Variants in SPATA31H1 observed in about 807,000 individuals in gnomAD.
SPATA31H1 encodes SPATA31 subfamily H member 1, also known as spermatogenesis-associated protein 31H1.
chr2:27,556,168 T>G, the SPATA31H1 span, among the ~76,000 whole-genome samples: 3 of 151,392 alleles, frequency 2.0e-5, no homozygotes, highest in South Asian at 6.2e-4. Context: ...TTCATTGTGT[T>G]GGTATTCAGC....
chr2:27,547,596 G>A, the SPATA31H1 span, among the ~76,000 whole-genome samples: 2 of 151,930 alleles, frequency 1.3e-5, 1 homozygote, highest in African/African-American at 4.8e-5. Context: ...AGAATGTATT[G>A]GATTTATAGT....
At chr2:27,549,568 G>A in the SPATA31H1 span, among the ~76,000 whole-genome samples, 3 of 151,658 alleles carry the variant, frequency 2.0e-5, no homozygotes, top group Non-Finnish European at 1.5e-5. Context: ...CAGCACTTTG[G>A]GAGACTTAGT....
At chr2:27,577,934 G>T in the SPATA31H1 span, 11 of 1,614,128 alleles carry the variant, frequency 6.8e-6, no homozygotes, top group Non-Finnish European at 7.6e-6. The surrounding 1 kb of genome is among the most constrained non-coding windows in gnomAD (Gnocchi z 4.5). Context: ...CAAAGTCAAA[G>T]AATCAAAGTA....
chr2:27,548,609 A>AG, the SPATA31H1 span, among the ~76,000 whole-genome samples: 1 of 146,174 alleles, frequency 6.8e-6, no homozygotes, highest in African/African-American at 2.5e-5. Flanking sequence ...CCCTGTTTCA[A>AG]AAAAAAAAAA....
At chr2:27,569,740 A>T in the SPATA31H1 span, 2 of 398,908 alleles carry the variant, frequency 5.0e-6, no homozygotes, top group South Asian at 2.5e-4. Context: ...ATGCCATTGG[A>T]GGATTTGACT....
At chr2:27,579,120 T>C in the SPATA31H1 span, 1 of 1,614,092 alleles carries the variant, frequency 6.2e-7, no homozygotes, top group Non-Finnish European at 8.5e-7. Context: ...GAGATCACGA[T>C]CTAGGACATT....
chr2:27,567,255 C>A, the SPATA31H1 span: 11 of 612,056 alleles, frequency 1.8e-5, no homozygotes, highest in Non-Finnish European at 3.2e-5. Flanking sequence ...TACATTCAAG[C>A]TCTCTCCTTC....
the SPATA31H1 span, among the ~76,000 whole-genome samples, chr2:27,560,221 T>C: frequency 2.8e-3 from 430 of 152,278 alleles, 3 homozygotes; most frequent in African/African-American, 9.5e-3. Flanking sequence ...CTCTGAAAAT[T>C]CCAATACCTG....
the SPATA31H1 span, among the ~76,000 whole-genome samples, chr2:27,547,062 G>A: frequency 1.3e-5 from 2 of 151,742 alleles, no homozygotes; most frequent in African/African-American, 2.4e-5. Flanking sequence ...TCTATTTCGG[G>A]ACTCTCTGTT....
At chr2:27,554,555 T>G in the SPATA31H1 span, among the ~76,000 whole-genome samples, 3 of 146,054 alleles carry the variant, frequency 2.1e-5, no homozygotes, top group African/African-American at 7.6e-5. Flanking sequence ...CTGAGAGATA[T>G]CTCTGGAGTT....
chr2:27,546,420 T>G, the SPATA31H1 span, among the ~76,000 whole-genome samples: 1 of 152,036 alleles, frequency 6.6e-6, no homozygotes, highest in Non-Finnish European at 1.5e-5. Context: ...TATAGATATC[T>G]AATTCTTCCA....
chr2:27,551,883 T>C, the SPATA31H1 span, among the ~76,000 whole-genome samples: 1 of 151,990 alleles, frequency 6.6e-6, no homozygotes, highest in African/African-American at 2.4e-5. Context: ...AGGTGCCATC[T>C]CAGCTCACTG....
chr2:27,571,553 T>C, the SPATA31H1 span: 3 of 398,466 alleles, frequency 7.5e-6, no homozygotes, highest in East Asian at 3.6e-5. Flanking sequence ...TGAAAACTGC[T>C]AAATTAAAAC....
At chr2:27,539,777 G>A in the SPATA31H1 span, among the ~76,000 whole-genome samples, 1 of 55,210 alleles carries the variant, frequency 1.8e-5, no homozygotes, top group African/African-American at 8.3e-5. Flanking sequence ...CGGGGCGGCT[G>A]GCCAGGCAGA....
the SPATA31H1 span, among the ~76,000 whole-genome samples, chr2:27,541,357 T>C: frequency 6.6e-6 from 1 of 151,030 alleles, no homozygotes; most frequent in Admixed American, 6.6e-5. Context: ...ACCGTCCAGC[T>C]TTGGCTCGGC....
chr2:27,559,487 A>G, the SPATA31H1 span, among the ~76,000 whole-genome samples: 1 of 152,118 alleles, frequency 6.6e-6, no homozygotes, highest in Non-Finnish European at 1.5e-5. Flanking sequence ...ATAGGTCTCT[A>G]ATGACTTTAA....
chr2:27,567,012 A>AC, the SPATA31H1 span: 1 of 717,530 alleles, frequency 1.4e-6, no homozygotes, highest in South Asian at 1.5e-5. Context: ...CCAAGGCAGA[A>AC]CCCTGCCTCT....
At chr2:27,577,801 G>A in the SPATA31H1 span, 1 of 1,614,130 alleles carries the variant, frequency 6.2e-7, no homozygotes, top group Non-Finnish European at 8.5e-7. The surrounding 1 kb of genome is among the most constrained non-coding windows in gnomAD (Gnocchi z 4.5). Flanking sequence ...TGTAAGCAAT[G>A]GCTACAAATG....
chr2:27,580,080 C>A, the SPATA31H1 span: 1 of 1,614,142 alleles, frequency 6.2e-7, no homozygotes. Flanking sequence ...TGGCTTTAGG[C>A]TGAGAATTGG....
Sources: gnomAD v4.1 joint callset for allele counts (sites outside exome capture counted in the v4.1 genomes callset) on GRCh38, gnomAD v4.1.1 for gene constraint, Gnocchi (gnomAD v3.1) non-coding constraint, MANE v1.5 for transcripts, NCBI Gene and HGNC (gene_info 2026-07-23, HGNC 2026-07-21) for gene names.